The following TTN variants were observed in gnomAD, a reference collection of about 807,000 sequenced individuals.
TTN encodes titin, also known as connectin.
Under a neutral mutation model 3,223.0 loss-of-function variants are expected in TTN, and 1,525 were observed. The ratio of observed to expected loss-of-function variants is 0.47; its 90% CI spans 0.45 to 0.49. The LOEUF is 0.49. Ranked by LOEUF, TTN falls within the 20% of genes least tolerant of loss-of-function variation. TTN has a pLI of 0.00. For missense variants in TTN, 40,786 were observed against 43,424.0 expected (o/e 0.94, Z 5.40); for synonymous variants, 14,094 against 15,161.0 (o/e 0.93, Z 5.17).
At chr2:178,650,703 G>A (rs942594089) in intron 209 of TTN, 48 bp downstream of exon 209, 23 of 1,484,118 alleles carry the variant, frequency 1.5e-5, no homozygotes, top group Non-Finnish European at 2.0e-5. Context: ...GCTTAAATTA[G>A]AAATAGTCGC....
At chr2:178,711,445 A>C in intron 96 of TTN, 96 bp from the exon 97 acceptor site, 1 of 1,263,748 alleles carries the variant, frequency 7.9e-7, no homozygotes. Flanking sequence ...TGCAATTTCT[A>C]TTAAAAATCA....
Position 178,591,471 on chromosome 2 carries a change from A to G in TTN, c.60254T>C (p.Ile20085Thr), listed in dbSNP as rs763870161. 37 of 1,586,896 alleles carry G rather than the reference A, an allele frequency of 2.3e-5. No homozygotes were observed. The highest frequency in any genetic ancestry group is 3.1e-5 in the Non-Finnish European group (36 of 1,170,906). Residue 20085 changes from isoleucine to threonine, a missense_variant, in exon 304 of 363, where the codon ATT becomes ACT. Physicochemically the swap from Ile to Thr is moderately conservative, Grantham distance 89. Coordinates refer to ENST00000589042, the MANE Select transcript of TTN (RefSeq NM_001267550.2). ...TCCAGCCTTTACCACAAGACCTTCA[A>G]TTAATTTCACATCTAGCTCCACGGA... ...PPSVELDVKL[I>T]EGLVVKAGTT...
At position 178,532,523 on chromosome 2, in the gene TTN, G is replaced by A. The variant is rs727504184; in HGVS notation, c.104092C>T (p.Arg34698Ter). 3 of 1,613,838 alleles carry A rather than the reference G, an allele frequency of 1.9e-6. No homozygotes were observed. Among genetic ancestry groups the A allele is most frequent in the African/African-American group, 1.3e-5 (1 of 74,904 alleles). ...GAAAGCTCAAAGTGTGGAGGGCTTC[G>A]ACTTGGGGGTGAAGCTGAAAAACCT... ...ELGFSASPPS[R>*]SPPHFELSSL... is the part of the protein sequence containing the mutation. Residue 34698 changes from arginine (R) to a stop codon, truncating the protein, a stop_gained, in exon 358 of 363, where the codon CGA (arginine) becomes TGA (stop). Transcript: ENST00000589042. LOFTEE classifies it high-confidence loss of function.
chr2:178,528,246 T>C, intron 361 of TTN, 28 bp downstream of exon 361: 1 of 1,602,744 alleles, frequency 6.2e-7, no homozygotes, highest in African/African-American at 1.3e-5. Context: ...CTTAAACATG[T>C]AAGGAAGAAG....
rs751014194 is a variant in TTN at position 178,681,089 on chromosome 2, G to A, written c.33330C>T (p.Pro11110=). The change falls in exon 138 of 363, where the codon CCC becomes CCT. Residue 11110 remains proline (P), a synonymous_variant. Transcript: ENST00000589042. ...TKREKEQVTE[P]AAKVPMKPKR... ...AGGAAATCATTATACCTTTAGCAGC[G>A]GGTTCAGTCACCTGCTCTTTTTCAC... The A allele has an allele frequency of 8.8e-6, 14 of 1,599,222 alleles. No individual in the cohort carries two copies. The highest frequency in any genetic ancestry group is 5.7e-5 in the South Asian group (5 of 86,974).
Position 178,587,933 on chromosome 2 carries a change from C to T in TTN, c.63474G>A (p.Glu21158=), listed in dbSNP as rs1267837417. The T allele has an allele frequency of 1.2e-6, 2 of 1,605,356 alleles. No homozygotes were observed. Among genetic ancestry groups the T allele is most frequent in the Non-Finnish European group, 1.7e-6 (2 of 1,174,824 alleles). ...CTTTAGGTTTGATAGCTTCCTTTAG[C>T]TCTGCAGGGCGCCCAATACCAACTT... ...QNQVGIGRPA[E]LKEAIKPKEI... The change falls in exon 305 of 363, where the codon GAG becomes GAA. Residue 21158 remains glutamate, a synonymous_variant. Transcript: ENST00000589042.
In TTN at chr2:178,702,264, C is replaced by G; in HGVS notation, c.30434-19G>C. The G allele has an allele frequency of 6.2e-7, 1 of 1,613,794 alleles. No individual in the cohort carries two copies. Among genetic ancestry groups the G allele is most frequent in the Non-Finnish European group, 8.5e-7 (1 of 1,179,852 alleles). ...TAGACACCTAGGGTGAAAAATCATC[C>G]AACTTTTGTTTTCTGATATGTTGCA... On this transcript the variant is annotated intron_variant, in intron 107 of 362. Transcript: ENST00000589042.
Position 178,532,006 on chromosome 2 carries a change from T to C in TTN, c.104609A>G (p.Asp34870Gly). 1.9e-6 allele frequency: 3 copies of C among 1,613,854 alleles called. No individual in the cohort carries two copies. Among genetic ancestry groups the C allele is most frequent in the Non-Finnish European group, 2.5e-6 (3 of 1,179,852 alleles). Residue 34870 changes from aspartate (D) to glycine (G), a missense_variant, in exon 358 of 363, where the codon GAT becomes GGT. Coordinates refer to ENST00000589042, the MANE Select transcript of TTN (RefSeq NM_001267550.2). ...SRPQPAEEYE[D>G]DTERRSPTPE... ...AGTAGGTGACCTTCTTTCTGTGTCA[T>C]CTTCGTATTCCTCAGCCGGTTGTGG...
intron 7 of TTN, 84 bp from the exon 8 acceptor site, chr2:178,794,635 AC>A (rs2093675140): frequency 6.4e-7 from 1 of 1,551,246 alleles, no homozygotes. Flanking sequence ...AAACTGAGCC[AC>A]CTAGAGCAAA....
Position 178,571,846 on chromosome 2 carries a change from T to G in TTN, c.74286A>C (p.Val24762=), listed in dbSNP as rs757652524. The change falls in exon 326 of 363, where the codon GTA becomes GTC. Residue 24762 remains valine, a synonymous_variant. Coordinates refer to ENST00000589042, the MANE Select transcript of TTN (RefSeq NM_001267550.2). ...DNVPLKQTTR[V]NAESTENNSL... is the part of the protein sequence containing the mutation. The stretch of plus-strand genomic sequence containing the variant: ...AATTATTTTCTGTGCTCTCTGCATT[T>G]ACTCTAGTTGTCTGCTTCAGTGGTA... The G allele has an allele frequency of 6.2e-7, 1 of 1,613,614 alleles. No individual in the cohort carries two copies. Among genetic ancestry groups the G allele is most frequent in the South Asian group, 1.1e-5 (1 of 91,080 alleles).
Position 178,543,650 on chromosome 2 carries a change from G to C in TTN, c.96323C>G (p.Pro32108Arg). 6.3e-7 allele frequency: 1 copy of C among 1,583,706 alleles called. No homozygotes were observed. The highest frequency in any genetic ancestry group is 8.6e-7 in the Non-Finnish European group (1 of 1,169,320). ...TTCCTTAACTTTCACTGAAGGACAG[G>C]GACCAGGAGTATCTGAAAAACAGAA... ...VLVKVYDTPG[P>R]CPSVKVKEVS... The change falls in exon 347 of 363, where the codon CCC becomes CGC. Residue 32108 changes from proline (P) to arginine (R), a missense_variant. Physicochemically the swap from Pro to Arg is moderately radical, Grantham distance 103 (BLOSUM62 -2). Coordinates refer to ENST00000589042, the MANE Select transcript of TTN (RefSeq NM_001267550.2).
rs1230878552 is a variant in TTN, at chr2:178,575,465, G to A, written c.70667C>T (p.Pro23556Leu). 1 of 1,613,582 alleles carries A rather than the reference G, an allele frequency of 6.2e-7. No homozygotes were observed. The highest frequency in any genetic ancestry group is 8.5e-7 in the Non-Finnish European group (1 of 1,179,652). ...GATCTTGCTGCCACCATCGTGTTTGGGCTTAGGCCATGCCAGGCTGACGGT... is the reference window on the plus strand; with the variant it reads ...GATCTTGCTGCCACCATCGTGTTTGAGCTTAGGCCATGCCAGGCTGACGGT... The part of the protein sequence containing the change: ...KSTVSLAWPK[P>L]KHDGGSKITG... Residue 23556 changes from proline to leucine, a missense_variant, in exon 326 of 363, where the codon CCC becomes CTC. By Grantham distance (98) the Pro-to-Leu change is moderately conservative (BLOSUM62 -3). Coordinates refer to ENST00000589042, the MANE Select transcript of TTN (RefSeq NM_001267550.2). This position sits in a 1 kb window ranked among gnomAD's most constrained non-coding sequence, Gnocchi z 4.0.
Position 178,674,375 on chromosome 2 carries a change from T to A in TTN, c.34647A>T (p.Glu11549Asp). ...TAGGTGGTTCTTCTGGGATTTCTTC[T>A]TCTGAAATAGGCTCTTCTTCAGGCT... ...TEEPEEEPIS[E>D]EEIPEEPPSI... Residue 11549 changes from glutamate (E) to aspartate (D), a missense_variant, in exon 151 of 363, where the codon GAA becomes GAT. Transcript: ENST00000589042. 6.3e-7 allele frequency: 1 copy of A among 1,595,264 alleles called. No individual in the cohort carries two copies.
rs375734177 is a variant in TTN, at chr2:178,727,581, A to G, written c.19993+4T>C. 5 of 1,553,394 alleles carry G rather than the reference A, an allele frequency of 3.2e-6. No homozygotes were observed. In the African/African-American group the frequency reaches 6.9e-5, roughly 21 times the overall value. On this transcript the variant is annotated splice_donor_region_variant and intron_variant, in intron 68 of 362. Coordinates refer to ENST00000589042, the MANE Select transcript of TTN (RefSeq NM_001267550.2). ...AGAAACATAAAGGAATCAAATTTGC[A>G]CACCTGTCACAAGCAACATCGTAGT...
At chr2:178,726,105 TTTTA>T in intron 69 of TTN, 59 bp from the exon 70 acceptor site, 1 of 1,486,270 alleles carries the variant, frequency 6.7e-7, no homozygotes, top group Middle Eastern at 1.8e-4. Context: ...AATGAAAATT[TTTTA>T]TTTGTCTTTA....
intron 9 of TTN, 24 bp downstream of exon 9, chr2:178,793,380 T>C (rs2093613120): frequency 3.7e-6 from 6 of 1,613,326 alleles, no homozygotes; most frequent in Non-Finnish European, 4.2e-6. Context: ...CCTCAGTGAA[T>C]TTAAAATACA....
intron 236 of TTN, 59 bp downstream of exon 236, chr2:178,632,088 T>C: frequency 6.8e-7 from 1 of 1,477,764 alleles, no homozygotes; most frequent in Non-Finnish European, 9.0e-7. Flanking sequence ...ATAGAATAGA[T>C]ACTCCACAAA....
At chr2:178,799,780 C>A (rs141727821) in intron 5 of TTN, 45 bp downstream of exon 5, 2 of 1,614,104 alleles carry the variant, frequency 1.2e-6, no homozygotes, top group Admixed American at 3.3e-5. Flanking sequence ...TAGCTGGGGA[C>A]GCAACAGCCT....
At chr2:178,714,890 G>A in intron 90 of TTN, 96 bp downstream of exon 90, 1 of 1,453,036 alleles carries the variant, frequency 6.9e-7, no homozygotes, top group South Asian at 1.4e-5. Flanking sequence ...AGTGGAATAG[G>A]CTGCTAGTGA....
Sources: allele counts gnomAD v4.1 joint callset, GRCh38; gene constraint gnomAD v4.1.1; non-coding constraint Gnocchi (gnomAD v3.1); transcripts MANE v1.5; gene names NCBI Gene and HGNC (gene_info 2026-07-23, HGNC 2026-07-21).